MYO6: variants seen among roughly 807,000 people sequenced by gnomAD.
The protein encoded by MYO6 is myosin VI.
Under a neutral mutation model 178.7 loss-of-function variants are expected in MYO6, and 74 were observed. That is an observed-to-expected ratio of 0.41 (90% CI 0.34 to 0.50). The LOEUF (loss-of-function observed/expected upper bound fraction) is 0.50, where lower values mean the gene tolerates loss of function less well. MYO6 is among the 20% of genes least tolerant of loss of function. The pLI is 0.09. For synonymous variants in MYO6, 477 were observed against 504.6 expected (o/e 0.95, Z 0.73); for missense variants, 1,330 against 1,547.4 (o/e 0.86, Z 2.36).
intron 9 of MYO6, among the ~76,000 whole-genome samples, chr6:75,843,420 C>T (rs561018759): frequency 6.6e-6 from 1 of 152,218 alleles, no homozygotes; most frequent in Non-Finnish European, 1.5e-5. Flanking sequence ...GAGCCAATTG[C>T]TGTAATCATG....
chr6:75,882,028 G>A (rs1778073798), intron 23 of MYO6, among the ~76,000 whole-genome samples: 1 of 152,080 alleles, frequency 6.6e-6, no homozygotes, highest in South Asian at 2.1e-4. Flanking sequence ...TTATAAGAGT[G>A]TCAGTTTCAT....
In MYO6 at chr6:75,817,504, A is replaced by G; in HGVS notation, c.-44A>G. 1 of 1,419,408 alleles carries G rather than the reference A, an allele frequency of 7.0e-7. No homozygotes were observed. Among genetic ancestry groups the G allele is most frequent in the Non-Finnish European group, 1.0e-6 (1 of 1,002,438 alleles). 87.9% of individuals were successfully genotyped at this position (1,419,408 alleles called of 1,614,324 possible). ...TGTATTTGTTCCTTTGAAACAGGTG[A>G]CAGTGGATAGTGGAAACAGGAGATC... On this transcript the variant is annotated 5_prime_UTR_variant, in exon 2 of 35. Transcript: ENST00000369977.
chr6:75,798,402 C>T (rs1215772716), intron 1 of MYO6, among the ~76,000 whole-genome samples: 3 of 152,092 alleles, frequency 2.0e-5, no homozygotes, highest in East Asian at 1.9e-4. Context: ...AGTTTGAAGT[C>T]GGGTAGTGTG....
chr6:75,906,239 C>T (rs1034535124), intron 30 of MYO6, among the ~76,000 whole-genome samples: 136 of 151,962 alleles, frequency 8.9e-4, no homozygotes, highest in African/African-American at 3.1e-3. Flanking sequence ...AAACGCTTCT[C>T]GTTACCTTGA....
chr6:75,862,481 C>A, intron 15 of MYO6, 115 bp from the exon 16 acceptor site: 1 of 928,626 alleles, frequency 1.1e-6, no homozygotes, highest in Non-Finnish European at 1.7e-6. Context: ...CATATAGAAT[C>A]ACATGCTATG....
intron 5 of MYO6, 100 bp downstream of exon 5, chr6:75,830,645 T>C: frequency 1.7e-6 from 2 of 1,210,808 alleles, no homozygotes; most frequent in Middle Eastern, 2.7e-4. Flanking sequence ...ATAAATTGAA[T>C]ATATATTTTG....
Position 75,831,913 on chromosome 6 carries a change from C to T in MYO6, c.392-929C>T, listed in dbSNP as rs542182078. 2.0e-4 allele frequency among the ~76,000 whole-genome samples: 30 copies of T among 150,880 alleles called. No individual in the cohort carries two copies. The East Asian group carries it at 4.5e-3, about 22-fold the overall frequency. On this transcript the variant is annotated intron_variant, in intron 5 of 34. Coordinates refer to ENST00000369977, the MANE Select transcript of MYO6 (RefSeq NM_004999.4). ...TCAAAAAAAAAAAAAAAGAAAAAAG[C>T]GCTGCTGATAAATTGGACAAAGGGA...
intron 30 of MYO6, among the ~76,000 whole-genome samples, chr6:75,899,717 T>C (rs1300066441): frequency 2.7e-5 from 4 of 149,258 alleles, no homozygotes; most frequent in South Asian, 2.1e-4. Flanking sequence ...TTTTTTTTTT[T>C]CTTCTGGAAC....
At chr6:75,815,958 C>A (rs62414784) in intron 1 of MYO6, among the ~76,000 whole-genome samples, 2 of 152,188 alleles carry the variant, frequency 1.3e-5, no homozygotes, top group African/African-American at 4.8e-5. Context: ...AGCATCCAGG[C>A]TCATTAAAAC....
Position 75,861,026 on chromosome 6 carries a change from C to A in MYO6, c.1477C>A (p.Gln493Lys), listed in dbSNP as rs759114945. The A allele has an allele frequency of 2.5e-6, 4 of 1,592,546 alleles. No individual in the cohort carries two copies. Among genetic ancestry groups the A allele is most frequent in the Non-Finnish European group, 3.4e-6 (4 of 1,160,832 alleles). Residue 493 changes from glutamine to lysine, a missense_variant, in exon 15 of 35, where the codon CAA becomes AAA. Gln to Lys is a moderately conservative substitution (Grantham distance 53). Around this residue, in one of 3 missense-constraint regions of MYO6, gnomAD observed 613 missense variants for 816.8 expected, o/e 0.75. Coordinates refer to ENST00000369977, the MANE Select transcript of MYO6 (RefSeq NM_004999.4). ...ATTATGATTATTTCATTTTTAGGAA[C>A]AAGAACTCTATCAAAAAGAAGGTTT... ...FFNERILKEEQELYQKEGLGV... is the reference protein window; with the variant it reads ...FFNERILKEEKELYQKEGLGV...
intron 2 of MYO6, among the ~76,000 whole-genome samples, chr6:75,821,814 C>G (rs1003900824): frequency 3.3e-5 from 5 of 152,098 alleles, no homozygotes; most frequent in Admixed American, 3.3e-4. Context: ...AAATTTAATT[C>G]TCTTTGGATG....
intron 30 of MYO6, among the ~76,000 whole-genome samples, chr6:75,905,596 C>G (rs1780244997): frequency 6.6e-6 from 1 of 152,204 alleles, no homozygotes; most frequent in South Asian, 2.1e-4. Context: ...GTGCGCGCAC[C>G]CACTGACCTG....
chr6:75,884,687 G>A (rs970929366), intron 23 of MYO6, among the ~76,000 whole-genome samples: 11 of 152,152 alleles, frequency 7.2e-5, no homozygotes, highest in Non-Finnish European at 2.9e-5. Flanking sequence ...AGGGGCTTGG[G>A]TTGGAGATGA....
chr6:75,866,857 T>G (rs1776747642), intron 17 of MYO6, 75 bp from the exon 18 acceptor site: 1 of 1,490,620 alleles, frequency 6.7e-7, no homozygotes, highest in Non-Finnish European at 9.3e-7. Flanking sequence ...CACAGAAAGT[T>G]CCTTTGGACA....
chr6:75,900,422 G>C (rs1222796834), intron 30 of MYO6, among the ~76,000 whole-genome samples: 1 of 152,128 alleles, frequency 6.6e-6, no homozygotes, highest in Non-Finnish European at 1.5e-5. Context: ...TTTAATGATT[G>C]CCATTCTAAC....
intron 11 of MYO6, among the ~76,000 whole-genome samples, chr6:75,850,073 T>A (rs570101603): frequency 6.6e-6 from 1 of 152,206 alleles, no homozygotes; most frequent in South Asian, 2.1e-4. Context: ...AGAAAACACA[T>A]GCACAAATCC....
intron 28 of MYO6, among the ~76,000 whole-genome samples, chr6:75,893,805 T>C (rs988216895): frequency 6.6e-6 from 1 of 152,234 alleles, no homozygotes; most frequent in South Asian, 2.1e-4. Context: ...ATTATTAAGC[T>C]CTTGGGTTTG....
intron 1 of MYO6, among the ~76,000 whole-genome samples, chr6:75,797,204 G>A (rs905530200): frequency 2.0e-5 from 3 of 151,930 alleles, no homozygotes; most frequent in East Asian, 3.9e-4. Context: ...CTTCTCCTGC[G>A]TCAGCCTCCT....
chr6:75,793,811 A>G (rs1315954248), intron 1 of MYO6, among the ~76,000 whole-genome samples: 3 of 152,206 alleles, frequency 2.0e-5, no homozygotes, highest in African/African-American at 7.2e-5. Flanking sequence ...TTAGAATGAT[A>G]GTATAGGAAT....
Sources: gnomAD v4.1 joint callset for allele counts (sites outside exome capture counted in the v4.1 genomes callset) on GRCh38, gnomAD v4.1.1 for gene constraint, gnomAD v4.1.1 regional missense constraint, MANE v1.5 for transcripts, NCBI Gene and HGNC (gene_info 2026-07-23, HGNC 2026-07-21) for gene names.